PMFBP1: variants seen among roughly 807,000 people sequenced by gnomAD.
The protein encoded by PMFBP1 is polyamine-modulated factor 1-binding protein 1.
Under a neutral mutation model 137.8 loss-of-function variants are expected in PMFBP1, and 131 were observed. The observed-to-expected ratio is 0.95, with a 90% CI of 0.82 to 1.10. PMFBP1 has a LOEUF of 1.10. Ranked by LOEUF, PMFBP1 falls within the 50% of genes least tolerant of loss-of-function variation. The pLI is 0.00. For missense variants in PMFBP1, 1,199 were observed against 1,175.4 expected, an observed-to-expected ratio of 1.02 and a Z score of -0.29; for synonymous variants, 490 against 450.4, an observed-to-expected ratio of 1.09 and a Z score of -1.11.
At chr16:72,236,172 C>G in the PMFBP1 span, among the ~76,000 whole-genome samples, 1 of 152,038 alleles carries the variant, frequency 6.6e-6, no homozygotes, top group African/African-American at 2.4e-5. Flanking sequence ...TCTACTATTC[C>G]TAGTTTGTTG....
chr16:72,123,167 C>T lies in PMFBP1; in HGVS notation c.2694-179G>A, dbSNP rs528151768. 1.2e-4 allele frequency among the ~76,000 whole-genome samples: 19 copies of T among 152,286 alleles called. No homozygotes were observed. In the East Asian group the frequency reaches 3.7e-3, roughly 29 times the overall value. On this transcript the variant is annotated intron_variant, in intron 18 of 20. Coordinates refer to ENST00000237353, the MANE Select transcript of PMFBP1 (RefSeq NM_031293.3). ...CTAGCACCTGGGGATTCAGAGGACT[C>T]TCTGAACTCAACTCCTATGCAAAAT...
intron 5 of PMFBP1, among the ~76,000 whole-genome samples, chr16:72,149,889 TA>T (rs2042875469): frequency 6.6e-6 from 1 of 152,164 alleles, no homozygotes; most frequent in Non-Finnish European, 1.5e-5. Context: ...TAACTGTATA[TA>T]GCACAAGCCC....
chr16:72,218,774 T>C, the PMFBP1 span, among the ~76,000 whole-genome samples: 1 of 152,178 alleles, frequency 6.6e-6, no homozygotes, highest in Non-Finnish European at 1.5e-5. Context: ...GCATCTACCA[T>C]GTGCAAAATA....
the PMFBP1 span, among the ~76,000 whole-genome samples, chr16:72,187,439 C>T: frequency 2.0e-5 from 3 of 152,172 alleles, no homozygotes; most frequent in African/African-American, 7.2e-5. Flanking sequence ...TACTGGGATC[C>T]ACCCTGTACC....
At position 72,154,291 on chromosome 16, in the gene PMFBP1, G is replaced by A. The variant is rs552686844; in HGVS notation, c.334C>T (p.Arg112Cys). 7.4e-6 allele frequency: 12 copies of A among 1,614,054 alleles called. No homozygotes were observed. Among genetic ancestry groups the A allele is most frequent in the South Asian group, 3.3e-5 (3 of 91,072 alleles). Residue 112 changes from arginine (R) to cysteine (C), a missense_variant, in exon 4 of 21, where the codon CGC (arginine) becomes TGC (cysteine). Physicochemically the swap from Arg to Cys is radical, Grantham distance 180. Transcript: ENST00000237353. ...TTCTCTAGGATGGACTGATACTGGC[G>A]GAGAGAATAGTAAGAAGTCTGCAAC... is the stretch of plus-strand genomic sequence containing the variant. ...EELQTSYYSL[R>C]QYQSILEKQT...
chr16:72,224,525 A>G, the PMFBP1 span: 6 of 152,468 alleles, frequency 3.9e-5, no homozygotes, highest in Middle Eastern at 6.8e-3. Flanking sequence ...TTCTTGCCCA[A>G]CCCAACCACT....
the PMFBP1 span, among the ~76,000 whole-genome samples, chr16:72,247,599 T>C: frequency 2.0e-5 from 3 of 152,192 alleles, no homozygotes; most frequent in African/African-American, 4.8e-5. Context: ...CAAGGTGCAA[T>C]GTGGCTTGTG....
chr16:72,122,957 G>A lies in PMFBP1; in HGVS notation c.2725C>T (p.Arg909Ter), dbSNP rs140352254. The A allele has an allele frequency of 7.5e-5, 121 of 1,613,354 alleles. No individual in the cohort carries two copies. The East Asian group carries it at 9.8e-4, about 13-fold the overall frequency. Residue 909 changes from arginine to a stop codon, truncating the protein, a stop_gained, in exon 19 of 21, where the codon CGA (arginine) becomes TGA (stop). Coordinates refer to ENST00000237353, the MANE Select transcript of PMFBP1 (RefSeq NM_031293.3). LOFTEE classifies it high-confidence loss of function. ...TTGGCAATGTATTTCACCTGCTCTC[G>A]GAGCTGGTTTCCTAGTTTCTCATTG... is the stretch of plus-strand genomic sequence containing the variant. Reference protein sequence around the residue: ...VANEKLGNQLREQVKYIAKLS... With the variant: ...VANEKLGNQL
chr16:72,134,086 C>T (rs556405334), intron 9 of PMFBP1, among the ~76,000 whole-genome samples: 1 of 152,292 alleles, frequency 6.6e-6, no homozygotes, highest in South Asian at 2.1e-4. Context: ...TCAAATGGCA[C>T]ATTTGGTCTC....
At chr16:72,186,838 C>T in the PMFBP1 span, among the ~76,000 whole-genome samples, 6 of 151,994 alleles carry the variant, frequency 3.9e-5, no homozygotes, top group African/African-American at 9.6e-5. Flanking sequence ...ACAGGCTGGG[C>T]GAGGTGGCTC....
the PMFBP1 span, among the ~76,000 whole-genome samples, chr16:72,245,495 G>A: frequency 1.3e-5 from 2 of 152,272 alleles, no homozygotes; most frequent in African/African-American, 4.8e-5. Context: ...CCCATGGTTT[G>A]CACAGGGGTT....
chr16:72,140,498 G>T lies in PMFBP1; in HGVS notation c.721C>A (p.Arg241=), dbSNP rs186231531. 1 of 1,612,972 alleles carries T rather than the reference G, an allele frequency of 6.2e-7. No homozygotes were observed. ...MIQEHQETQK[R]LSEVWQKVSQ... is the part of the protein sequence containing the mutation. ...ACCTTTTGCCAGACTTCAGACAGTC[G>T]TTTCTGAGTCTCCTGATGCTCTTGA... Residue 241 remains arginine, a synonymous_variant, in exon 6 of 21, where the codon CGA becomes AGA. Coordinates refer to ENST00000237353, the MANE Select transcript of PMFBP1 (RefSeq NM_031293.3).
At chr16:72,153,929 C>A (rs1016043105) in intron 4 of PMFBP1, among the ~76,000 whole-genome samples, 1 of 140,944 alleles carries the variant, frequency 7.1e-6, no homozygotes, top group African/African-American at 2.7e-5. Context: ...TATACACACA[C>A]ACACACACAC....
At chr16:72,171,113 T>C (rs1245678345) in intron 2 of PMFBP1, 84 bp downstream of exon 2, 2 of 1,461,150 alleles carry the variant, frequency 1.4e-6, no homozygotes, top group Admixed American at 3.5e-5. Flanking sequence ...TGCTTATTAC[T>C]GGAATTTTGA....
the PMFBP1 span, among the ~76,000 whole-genome samples, chr16:72,222,539 C>G: frequency 1.8e-3 from 267 of 152,204 alleles, 2 homozygotes; most frequent in African/African-American, 6.2e-3. Flanking sequence ...ATGTGAGGGT[C>G]ACTGCAGAGA....
At chr16:72,179,196 G>T (rs918518658), upstream of PMFBP1, among the ~76,000 whole-genome samples, 10 of 152,174 alleles carry the variant, frequency 6.6e-5, no homozygotes, top group Non-Finnish European at 1.0e-4. Flanking sequence ...AGCAGGAGAA[G>T]GGTTAAATGC....
chr16:72,199,490 C>T, the PMFBP1 span, among the ~76,000 whole-genome samples: 1 of 151,874 alleles, frequency 6.6e-6, no homozygotes, highest in Non-Finnish European at 1.5e-5. Context: ...CCTGTCTCTA[C>T]TAAAAATACA....
Position 72,136,765 on chromosome 16 carries a change from A to G in PMFBP1, c.973T>C (p.Tyr325His). 1.2e-6 allele frequency: 2 copies of G among 1,613,946 alleles called. No homozygotes were observed. The highest frequency in any genetic ancestry group is 1.7e-6 in the Non-Finnish European group (2 of 1,179,994). The change falls in exon 8 of 21, where the codon TAC becomes CAC. Residue 325 changes from tyrosine (Y) to histidine (H), a missense_variant. Coordinates refer to ENST00000237353, the MANE Select transcript of PMFBP1 (RefSeq NM_031293.3). Reference protein sequence around the residue: ...KDSQCLHVEEYQNLVKDLRVE... With the variant: ...KDSQCLHVEEHQNLVKDLRVE... ...CGCAGATCCTTCACCAGGTTCTGGT[A>G]CTCCTCCACATGCAGGCACTGGCTG...
chr16:72,136,256 A>C (rs2042629407), intron 9 of PMFBP1, among the ~76,000 whole-genome samples, 192 bp downstream of exon 9: 2 of 152,096 alleles, frequency 1.3e-5, no homozygotes, highest in Non-Finnish European at 2.9e-5. Flanking sequence ...AATCAGATTC[A>C]TTTATTATGT....
Sources: allele counts gnomAD v4.1 joint callset (sites outside exome capture counted in the v4.1 genomes callset), GRCh38; gene constraint gnomAD v4.1.1; transcripts MANE v1.5; gene names NCBI Gene and HGNC (gene_info 2026-07-23, HGNC 2026-07-21).